CP: variants seen among roughly 807,000 people sequenced by gnomAD.
The protein encoded by CP is ceruloplasmin, also known as caeruloplasmin.
In CP, 64 loss-of-function variants were observed where a neutral mutation model predicts 122.4. The ratio of observed to expected loss-of-function variants is 0.52; its 90% CI spans 0.43 to 0.64. The LOEUF (loss-of-function observed/expected upper bound fraction) is 0.64, where lower values mean the gene tolerates loss of function less well. Ranked by LOEUF, CP falls within the 30% of genes least tolerant of loss-of-function variation. CP has a pLI of 0.00. For missense variants in CP, 1,167 were observed against 1,284.4 expected, an observed-to-expected ratio of 0.91 and a Z score of 1.40; for synonymous variants, 440 against 436.4, an observed-to-expected ratio of 1.01 and a Z score of -0.10.
chr3:149,190,514 C>G (rs1273819735), intron 9 of CP, among the ~76,000 whole-genome samples: 2 of 151,878 alleles, frequency 1.3e-5, no homozygotes, highest in Non-Finnish European at 2.9e-5. Flanking sequence ...AAAAATTAGC[C>G]AGGTGTGGTG....
chr3:149,176,434 T>A, intron 17 of CP, 22 bp from the exon 18 acceptor site: 1 of 1,548,316 alleles, frequency 6.5e-7, no homozygotes, highest in Non-Finnish European at 8.9e-7. Context: ...AAATGACAAA[T>A]AATGTATAAT....
intron 13 of CP, 69 bp from the exon 14 acceptor site, chr3:149,182,202 A>G (rs1336138704): frequency 1.9e-6 from 3 of 1,577,096 alleles, no homozygotes; most frequent in Non-Finnish European, 1.7e-6. Context: ...AAAGATCAGC[A>G]AAGATAACTT....
At chr3:149,197,513 G>GA (rs112132448) in intron 9 of CP, among the ~76,000 whole-genome samples, 6,381 of 142,626 alleles carry the variant, frequency 0.045, 453 homozygotes, top group African/African-American at 0.15. Flanking sequence ...AAGCAGTCTT[G>GA]AAAAAAAAAA....
At chr3:149,181,207 C>T (rs1003047981) in intron 14 of CP, among the ~76,000 whole-genome samples, 1 of 152,180 alleles carries the variant, frequency 6.6e-6, no homozygotes, top group Non-Finnish European at 1.5e-5. Context: ...CCCTGGATCT[C>T]ATCTCTAGCA....
chr3:149,162,676 T>C (rs1458732577), exon 6 of CP: 1 of 1,613,634 alleles, frequency 6.2e-7, no homozygotes, highest in African/African-American at 1.3e-5. Context: ...GAGGCTCCTT[T>C]TACTGTTTTT....
chr3:149,172,405 A>G, downstream of CP: 1 of 539,072 alleles, frequency 1.9e-6, no homozygotes, highest in South Asian at 2.2e-5. Context: ...TGTAGTGGTA[A>G]CTATTCACTT....
chr3:149,186,855 C>T (rs981101650), intron 10 of CP, 123 bp from the exon 11 acceptor site: 17 of 840,242 alleles, frequency 2.0e-5, no homozygotes, highest in South Asian at 2.9e-5. Flanking sequence ...GGCTTGCCCA[C>T]GCTTTATGTG....
Position 149,218,941 on chromosome 3 carries a change from T to A in CP, c.146+2706A>T, listed in dbSNP as rs192777729. On this transcript the variant is annotated intron_variant, in intron 1 of 18. Transcript: ENST00000264613. ...CTTCAGCCCATTTATTTCCACTCCT[T>A]TTTAGTCATCATACGATAAGAAGTG... Among the ~76,000 whole-genome samples, 37 of 152,286 alleles carry A rather than the reference T, an allele frequency of 2.4e-4. No homozygotes were observed. In the East Asian group the frequency reaches 2.9e-3, roughly 12 times the overall value.
downstream of CP, chr3:149,172,318 T>TCACACACACACACACACA (rs113015797): frequency 6.8e-4 from 391 of 571,894 alleles, 2 homozygotes; most frequent in African/African-American, 6.2e-3. Context: ...ATTTTATATA[T>TCACACACACACACACACA]CACACACACA....
chr3:149,192,110 C>A (rs1559945056), intron 9 of CP, among the ~76,000 whole-genome samples: 1 of 151,914 alleles, frequency 6.6e-6, no homozygotes, highest in Non-Finnish European at 1.5e-5. Flanking sequence ...GAAAATAATT[C>A]TTTTCAGTAA....
chr3:149,177,946 C>G lies in CP; in HGVS notation c.2912G>C (p.Gly971Ala). The change falls in exon 17 of 19, where the codon GGC becomes GCC. Residue 971 changes from glycine to alanine, a missense_variant. Physicochemically the swap from Gly to Ala is moderately conservative, Grantham distance 60 (BLOSUM62 0). Coordinates refer to ENST00000264613, the MANE Select transcript of CP (RefSeq NM_000096.4). ...TTCATCTCCCACGTGCATTGTGAGGCCTTGTAGGTTTCCAAACATTCTTCC... is the reference window on the plus strand; with the variant it reads ...TTCATCTCCCACGTGCATTGTGAGGGCTTGTAGGTTTCCAAACATTCTTCC... Reference protein sequence around the residue: ...INGRMFGNLQGLTMHVGDEVN... With the variant: ...INGRMFGNLQALTMHVGDEVN... 1 of 1,613,518 alleles carries G rather than the reference C, an allele frequency of 6.2e-7. No homozygotes were observed. Among genetic ancestry groups the G allele is most frequent in the Non-Finnish European group, 8.5e-7 (1 of 1,179,498 alleles).
chr3:149,212,654 C>T lies in CP; in HGVS notation c.191G>A (p.Gly64Glu). 1.2e-6 allele frequency: 2 copies of T among 1,613,774 alleles called. No individual in the cohort carries two copies. Among genetic ancestry groups the T allele is most frequent in the Non-Finnish European group, 1.7e-6 (2 of 1,179,904 alleles). ...ATAAAGGGCCTTCTTATATAGTCTC[C>T]CAATTCTATCTGGGCCATTTTGAAG... ...IYLQNGPDRI[G>E]RLYKKALYLQ... The change falls in exon 2 of 19, where the codon GGG becomes GAG. Residue 64 changes from glycine (G) to glutamate (E), a missense_variant. Around this residue, in one of 2 missense-constraint regions of CP, gnomAD observed 642 missense variants for 627.3 expected, o/e 1.02. Coordinates refer to ENST00000264613, the MANE Select transcript of CP (RefSeq NM_000096.4).
At chr3:149,219,501 A>G (rs535297787) in intron 1 of CP, among the ~76,000 whole-genome samples, 6 of 152,308 alleles carry the variant, frequency 3.9e-5, no homozygotes, top group African/African-American at 1.4e-4. Flanking sequence ...TTTATAAATG[A>G]GAGTTCCCCT....
chr3:149,209,523 G>T, intron 3 of CP, 139 bp from the exon 4 acceptor site: 1 of 874,532 alleles, frequency 1.1e-6, no homozygotes, highest in Non-Finnish European at 1.7e-6. Flanking sequence ...AGTCACTCCT[G>T]TTTTACAGAC....
At chr3:149,219,506 TC>T (rs1015734363) in intron 1 of CP, among the ~76,000 whole-genome samples, 1 of 152,162 alleles carries the variant, frequency 6.6e-6, no homozygotes, top group African/African-American at 2.4e-5. Context: ...AAATGAGAGT[TC>T]CCCTGCACAA....
At chr3:149,197,247 T>C (rs34751274) in intron 9 of CP, among the ~76,000 whole-genome samples, 1,825 of 152,302 alleles carry the variant, frequency 0.012, 14 homozygotes, top group Non-Finnish European at 0.019. Flanking sequence ...TCTCTTCACA[T>C]GGACGCGCAT....
chr3:149,172,190 C>G (rs367699256), downstream of CP: 6 of 1,613,444 alleles, frequency 3.7e-6, no homozygotes, highest in Non-Finnish European at 5.1e-6. Flanking sequence ...GCCATATCTT[C>G]TCTATTGCAG....
rs769313989 is a variant in CP at position 149,207,387 on chromosome 3, A to T, written c.1012T>A (p.Cys338Ser). 6.2e-7 allele frequency: 1 copy of T among 1,613,958 alleles called. No individual in the cohort carries two copies. The highest frequency in any genetic ancestry group is 8.5e-7 in the Non-Finnish European group (1 of 1,179,810). Reference protein sequence around the residue: ...AQNPGEWMLSCQNLNHLKAGL... With the variant: ...AQNPGEWMLSSQNLNHLKAGL... ...CCTTTCAGATGGTTTAGATTCTGAC[A>T]GCTGAGCATCCATTCTCCAGGGTTC... Residue 338 changes from cysteine (C) to serine (S), a missense_variant, in exon 5 of 19, where the codon TGT becomes AGT. This residue lies in a region of CP where 642 missense variants were observed against 627.3 expected (regional missense o/e 1.02). Coordinates refer to ENST00000264613, the MANE Select transcript of CP (RefSeq NM_000096.4).
Position 149,184,097 on chromosome 3 carries a change from G to A in CP, c.2286-492C>T, listed in dbSNP as rs138090098. Among the ~76,000 whole-genome samples the A allele has an allele frequency of 4.8e-4, 65 of 134,538 alleles. No homozygotes were observed. The South Asian group carries it at 5.0e-3, about 10-fold the overall frequency. The allele number at this position is 134,538 out of a possible 152,430, so 88.3% of individuals were successfully genotyped here. A position where few individuals can be genotyped will look rare whatever the true frequency, so the allele number is the denominator to read the frequency against. On this transcript the variant is annotated intron_variant, in intron 12 of 18. Coordinates refer to ENST00000264613, the MANE Select transcript of CP (RefSeq NM_000096.4). ...GTCGCCCAGGCTGGAGTGCAGTGGC[G>A]TGATCTCCGCTCACTGCAAGCTCTG...
Sources: allele counts gnomAD v4.1 joint callset (sites outside exome capture counted in the v4.1 genomes callset), GRCh38; gene constraint gnomAD v4.1.1; regional missense constraint gnomAD v4.1.1; transcripts MANE v1.5; gene names NCBI Gene and HGNC (gene_info 2026-07-23, HGNC 2026-07-21).